The following PCDH11X variants were observed in gnomAD, a reference collection of about 807,000 sequenced individuals.
PCDH11X encodes protocadherin-11 X-linked.
Under a neutral mutation model 53.3 loss-of-function variants are expected in PCDH11X, and 18 were observed. That is an observed-to-expected ratio of 0.34 (90% confidence interval 0.23 to 0.50). The LOEUF (loss-of-function observed/expected upper bound fraction) is 0.50. PCDH11X is among the 20% of genes least tolerant of loss of function. PCDH11X has a pLI of 0.98. For missense variants in PCDH11X, 570 were observed against 1,032.4 expected (o/e 0.55, Z 6.14); for synonymous variants, 279 against 393.3 (o/e 0.71, Z 3.44).
intron 8 of PCDH11X, among the ~76,000 whole-genome samples, chrX:92,352,361 A>C (rs776875214): frequency 9.0e-6 from 1 of 111,666 alleles, no homozygotes; most frequent in Non-Finnish European, 1.9e-5. Context: ...TATGCTATCT[A>C]TTTCACTGAA....
At chrX:91,957,004 C>T (rs771869512) in intron 6 of PCDH11X, among the ~76,000 whole-genome samples, 2,142 of 107,177 alleles carry the variant, frequency 0.02, 63 homozygotes, top group African/African-American at 0.07. Flanking sequence ...TTCAGAAAGA[C>T]AGCCTTCAAG....
intron 8 of PCDH11X, among the ~76,000 whole-genome samples, chrX:92,345,283 C>A (rs1199852818): frequency 9.1e-6 from 1 of 110,422 alleles, no homozygotes; most frequent in Non-Finnish European, 1.9e-5. Context: ...TTCTCAGAAA[C>A]ATGAAATAAT....
At chrX:92,375,558 CTAGT>C (rs1302896642) in intron 8 of PCDH11X, among the ~76,000 whole-genome samples, 2 of 108,374 alleles carry the variant, frequency 1.8e-5, no homozygotes, top group South Asian at 4.1e-4. Flanking sequence ...CTAGTAGTAT[CTAGT>C]TAAAGATTAT....
chrX:92,060,791 C>A, intron 6 of PCDH11X, among the ~76,000 whole-genome samples: 1 of 111,511 alleles, frequency 9.0e-6, no homozygotes, highest in Non-Finnish European at 1.9e-5. Context: ...GATGAACATA[C>A]ATGTGCATGA....
At chrX:92,498,432 C>T (rs1429252744) in intron 10 of PCDH11X, among the ~76,000 whole-genome samples, 1 of 110,635 alleles carries the variant, frequency 9.0e-6, no homozygotes, top group African/African-American at 3.3e-5. Context: ...CTGGAGTATC[C>T]CTAATTATAC....
intron 10 of PCDH11X, among the ~76,000 whole-genome samples, chrX:92,580,268 G>A (rs1176740876): frequency 1.8e-5 from 2 of 108,558 alleles, no homozygotes; most frequent in Admixed American, 1.9e-4. Context: ...CCCCTTGGCC[G>A]AGTAGGTGTT....
At chrX:91,821,035 T>C (rs1936658709) in intron 4 of PCDH11X, among the ~76,000 whole-genome samples, 1 of 106,799 alleles carries the variant, frequency 9.4e-6, no homozygotes, top group Admixed American at 9.8e-5. Context: ...GATCTATATC[T>C]CTGTTTTGGT....
At position 92,118,731 on chromosome X, in the gene PCDH11X, CTTTTTTTTT is replaced by C. The variant is rs199880924; in HGVS notation, c.3034-82624_3034-82616del. On this transcript the variant is annotated intron_variant, in intron 6 of 10. Coordinates refer to ENST00000682573, the MANE Select transcript of PCDH11X (RefSeq NM_032968.5). Reference sequence around the variant, plus strand: ...ATTATTGGTTTGGTTATAATGCAGTCTTTTTTTTTTTTTTTTTTTTTTTTTTTTGAGACG... The same window carrying C: ...ATTATTGGTTTGGTTATAATGCAGTCTTTTTTTTTTTTTTTTTTTGAGACG... 7.7e-3 allele frequency among the ~76,000 whole-genome samples: 351 copies of C among 45,586 alleles called. 1 individual carries two copies. The highest frequency in any genetic ancestry group is 0.032 in the African/African-American group (334 of 10,290). 39.6% of individuals were successfully genotyped at this position (45,586 alleles called of 115,157 possible). A position where few individuals can be genotyped will look rare whatever the true frequency, so the allele number is the denominator to read the frequency against.
At chrX:91,796,132 C>T (rs1169843076) in intron 1 of PCDH11X, among the ~76,000 whole-genome samples, 1 of 111,567 alleles carries the variant, frequency 9.0e-6, no homozygotes, top group East Asian at 2.8e-4. Context: ...AAGCCAGCAA[C>T]CTCAGTTATA....
rs752141783 is a variant in PCDH11X, at chrX:92,050,208, C to T, written c.3034-151167C>T. 6.8e-4 allele frequency among the ~76,000 whole-genome samples: 76 copies of T among 111,345 alleles called. 1 individual carries two copies. The highest frequency in any genetic ancestry group is 2.4e-3 in the African/African-American group (74 of 30,680). On this transcript the variant is annotated intron_variant, in intron 6 of 10. Transcript: ENST00000682573. ...CATTTTCTGCTTTCGGTTAGTGGTACAAGCTTGTATTATATGAAAATAAAA... is the reference window on the plus strand; with the variant it reads ...CATTTTCTGCTTTCGGTTAGTGGTATAAGCTTGTATTATATGAAAATAAAA...
chrX:92,178,982 AT>A (rs983324153), intron 6 of PCDH11X, among the ~76,000 whole-genome samples: 1 of 111,927 alleles, frequency 8.9e-6, no homozygotes, highest in Non-Finnish European at 1.9e-5. Context: ...AAATAACTCT[AT>A]TTTTTTATCA....
chrX:91,918,760 C>A (rs1277599414), intron 6 of PCDH11X, among the ~76,000 whole-genome samples: 1 of 111,224 alleles, frequency 9.0e-6, no homozygotes, highest in East Asian at 2.8e-4. Flanking sequence ...CCTGGTAAAT[C>A]AAACTGATTT....
intron 7 of PCDH11X, among the ~76,000 whole-genome samples, chrX:92,216,462 A>G (rs1034644719): frequency 2.9e-5 from 3 of 104,844 alleles, no homozygotes; most frequent in African/African-American, 1.0e-4. Flanking sequence ...GCGATGGAAG[A>G]TGAAATGAAT....
intron 6 of PCDH11X, among the ~76,000 whole-genome samples, chrX:91,923,918 A>G (rs745878530): frequency 7.3e-5 from 8 of 110,255 alleles, no homozygotes; most frequent in African/African-American, 2.6e-4. Context: ...AAAACTACCA[A>G]TTGAGTACTA....
At chrX:92,475,489 T>TTTA (rs1396334906) in intron 10 of PCDH11X, among the ~76,000 whole-genome samples, 3 of 112,016 alleles carry the variant, frequency 2.7e-5, no homozygotes, top group African/African-American at 9.7e-5. Flanking sequence ...TCTTTAAATA[T>TTTA]GTCATGCCAC....
intron 10 of PCDH11X, among the ~76,000 whole-genome samples, chrX:92,567,865 G>A: frequency 9.9e-6 from 1 of 101,110 alleles, no homozygotes; most frequent in African/African-American, 3.6e-5. Context: ...TGGTGGGAGG[G>A]AGAGCATCAG....
At position 91,996,049 on chromosome X, in the gene PCDH11X, G is replaced by A. The variant is rs377354261; in HGVS notation, c.3033+116776G>A. On this transcript the variant is annotated intron_variant, in intron 6 of 10. Transcript: ENST00000682573. ...GTAGAGACGGGGTTTCACCATGTTA[G>A]CCAGGATGGTCTCGATCTCCTGACC... is the stretch of plus-strand genomic sequence containing the variant. 4.7e-5 allele frequency among the ~76,000 whole-genome samples: 5 copies of A among 105,672 alleles called. No individual in the cohort carries two copies. In the East Asian group the frequency reaches 1.5e-3, roughly 32 times the overall value. 91.8% of individuals were successfully genotyped at this position (105,672 alleles called of 115,157 possible).
At chrX:91,947,817 TG>T (rs1168416965) in intron 6 of PCDH11X, among the ~76,000 whole-genome samples, 1 of 102,768 alleles carries the variant, frequency 9.7e-6, no homozygotes, top group African/African-American at 3.5e-5. Flanking sequence ...TCCAGTAACT[TG>T]GGCAACATAC....
In PCDH11X at chrX:92,122,118, G is replaced by A. The variant is rs1354074573; in HGVS notation, c.3034-79257G>A. ...ATTCCTCAGCTTCCCGAGTAGCTGG[G>A]ATTACAGGTGTCTGCCACCACGCCC... On this transcript the variant is annotated intron_variant, in intron 6 of 10. Transcript: ENST00000682573. Among the ~76,000 whole-genome samples, 13 of 108,635 alleles carry A rather than the reference G, an allele frequency of 1.2e-4. 1 individual carries two copies. Among genetic ancestry groups the A allele is most frequent in the East Asian group, 2.9e-4 (1 of 3,443 alleles). The allele number at this position is 108,635 out of a possible 115,157, so 94.3% of individuals were successfully genotyped here.
Sources: allele counts gnomAD v4.1 joint callset (sites outside exome capture counted in the v4.1 genomes callset), GRCh38; gene constraint gnomAD v4.1.1; transcripts MANE v1.5; gene names NCBI Gene and HGNC (gene_info 2026-07-23, HGNC 2026-07-21).